The following NAALAD2 variants were observed in gnomAD, a reference collection of about 807,000 sequenced individuals.
NAALAD2 encodes N-acetylated-alpha-linked acidic dipeptidase 2.
Under a neutral mutation model 95.6 loss-of-function variants are expected in NAALAD2, and 89 were observed. That is an observed-to-expected ratio of 0.93 (90% CI 0.78 to 1.11). The LOEUF (loss-of-function observed/expected upper bound fraction) is 1.11. NAALAD2 is among the 50% of genes least tolerant of loss of function. The probability of loss-of-function intolerance (pLI) is 0.00; values close to 1 mark genes in which losing one functional copy is unlikely to be tolerated. For missense variants in NAALAD2, 894 were observed against 872.4 expected (o/e 1.02, Z -0.31); for synonymous variants, 264 against 294.4 (o/e 0.90, Z 1.06).
intron 2 of NAALAD2, among the ~76,000 whole-genome samples, chr11:90,141,462 T>A (rs1336340175): frequency 6.6e-6 from 1 of 152,236 alleles, no homozygotes; most frequent in Non-Finnish European, 1.5e-5. Context: ...ATCTTTCATT[T>A]TCTTTGGAGC....
chr11:90,183,594 G>C (rs1857031858), intron 18 of NAALAD2, among the ~76,000 whole-genome samples: 1 of 152,136 alleles, frequency 6.6e-6, no homozygotes, highest in Non-Finnish European at 1.5e-5. Context: ...TCGGCGTTAT[G>C]ATGGTGCAAA....
chr11:90,186,971 A>G (rs1309777582), intron 18 of NAALAD2, among the ~76,000 whole-genome samples: 1 of 148,772 alleles, frequency 6.7e-6, no homozygotes, highest in African/African-American at 2.5e-5. Context: ...AACTCAAACA[A>G]ATTTACAAGA....
intron 6 of NAALAD2, among the ~76,000 whole-genome samples, chr11:90,156,690 A>G (rs1952127357): frequency 1.3e-5 from 2 of 152,046 alleles, no homozygotes; most frequent in Non-Finnish European, 2.9e-5. Context: ...GGCTCAAGTG[A>G]TTCTCCTGCC....
At chr11:90,176,415 G>A (rs1952795625) in intron 15 of NAALAD2, among the ~76,000 whole-genome samples, 1 of 152,146 alleles carries the variant, frequency 6.6e-6, no homozygotes, top group South Asian at 2.1e-4. Flanking sequence ...GAGGATAAAT[G>A]CAGTTGGAGA....
intron 6 of NAALAD2, among the ~76,000 whole-genome samples, 157 bp from the exon 7 acceptor site, chr11:90,157,988 G>A (rs555303356): frequency 6.6e-6 from 1 of 152,290 alleles, no homozygotes; most frequent in African/African-American, 2.4e-5. Context: ...GAAAGTGCTG[G>A]GATGACAGGT....
At chr11:90,160,097 A>T (rs2134907913) in intron 8 of NAALAD2, among the ~76,000 whole-genome samples, 1 of 152,274 alleles carries the variant, frequency 6.6e-6, no homozygotes, top group South Asian at 2.1e-4. Context: ...ATAAGACTAT[A>T]AGCCTCAATA....
intron 2 of NAALAD2, among the ~76,000 whole-genome samples, chr11:90,141,167 T>C (rs1347545345): frequency 6.6e-6 from 1 of 152,192 alleles, no homozygotes; most frequent in African/African-American, 2.4e-5. Context: ...CATAGAATGA[T>C]TTCTCTTACC....
At chr11:90,171,555 A>G (rs1252426150) in intron 13 of NAALAD2, among the ~76,000 whole-genome samples, 1 of 152,190 alleles carries the variant, frequency 6.6e-6, no homozygotes, top group African/African-American at 2.4e-5. Flanking sequence ...GATGTCAGGA[A>G]TGATAAGAAT....
intron 3 of NAALAD2, among the ~76,000 whole-genome samples, chr11:90,148,016 G>A (rs1293877286): frequency 2.0e-5 from 3 of 152,140 alleles, no homozygotes; most frequent in African/African-American, 4.8e-5. Context: ...AGTAGGCCAC[G>A]ATATGAGATA....
At position 90,152,685 on chromosome 11, in the gene NAALAD2, G is replaced by A. The variant is rs369582299; in HGVS notation, c.796+201G>A. 2.0e-5 allele frequency among the ~76,000 whole-genome samples: 3 copies of A among 152,076 alleles called. No individual in the cohort carries two copies. The South Asian group carries it at 6.2e-4, about 32-fold the overall frequency. ...TAAATTTTCATGAGATGTCGGCATGGGGAGTAAACACTCAGTTCATACTCT... is the reference window on the plus strand; with the variant it reads ...TAAATTTTCATGAGATGTCGGCATGAGGAGTAAACACTCAGTTCATACTCT... On this transcript the variant is annotated intron_variant, in intron 6 of 18. Coordinates refer to ENST00000534061, the MANE Select transcript of NAALAD2 (RefSeq NM_005467.4).
chr11:90,191,516 G>C (rs1287115839), intron 18 of NAALAD2, 42 bp from the exon 19 acceptor site: 1 of 1,410,596 alleles, frequency 7.1e-7, no homozygotes, highest in Admixed American at 2.4e-5. Context: ...CAAAATGCAT[G>C]TATACACTTT....
chr11:90,148,197 C>G (rs1951796850), intron 3 of NAALAD2, among the ~76,000 whole-genome samples: 1 of 152,048 alleles, frequency 6.6e-6, no homozygotes, highest in Non-Finnish European at 1.5e-5. Flanking sequence ...CACACCTAGG[C>G]TAAGCAACGG....
At chr11:90,132,536 A>G (rs1422868351), upstream of NAALAD2, among the ~76,000 whole-genome samples, 1 of 152,146 alleles carries the variant, frequency 6.6e-6, no homozygotes, top group African/African-American at 2.4e-5. Context: ...CACAATCAAT[A>G]CCCAAAATGT....
At chr11:90,177,767 C>G in intron 15 of NAALAD2, 86 bp from the exon 16 acceptor site, 1 of 1,329,274 alleles carries the variant, frequency 7.5e-7, no homozygotes, top group Non-Finnish European at 1.0e-6. Flanking sequence ...GTTATTTTTT[C>G]TATAGTTATT....
At position 90,177,984 on chromosome 11, in the gene NAALAD2, T is replaced by A; in HGVS notation, c.1725T>A (p.Tyr575Ter). The A allele has an allele frequency of 6.2e-7, 1 of 1,613,528 alleles. No homozygotes were observed. Among genetic ancestry groups the A allele is most frequent in the South Asian group, 1.1e-5 (1 of 91,070 alleles). ...CTCAATTACGAGGAGCACTGGTATA[T>A]GAGCTTGTGGATTCTAAAATCATTC... ...SVAQLRGALV[Y>*]ELVDSKIIPF... The change falls in exon 16 of 19, where the codon TAT (tyrosine) becomes TAA (stop). Residue 575 changes from tyrosine to a stop codon, truncating the protein, a stop_gained. Transcript: ENST00000534061. LOFTEE classifies it high-confidence loss of function.
chr11:90,139,233 G>T (rs764692444), intron 2 of NAALAD2, among the ~76,000 whole-genome samples: 1 of 152,118 alleles, frequency 6.6e-6, no homozygotes, highest in Non-Finnish European at 1.5e-5. Flanking sequence ...AGGCCTTCTT[G>T]TTGTACAAAC....
chr11:90,158,020 G>A, intron 6 of NAALAD2, 125 bp from the exon 7 acceptor site: 1 of 736,094 alleles, frequency 1.4e-6, no homozygotes, highest in African/African-American at 1.8e-5. Flanking sequence ...CGCCTGGCCA[G>A]GAACTTTTAA....
intron 16 of NAALAD2, among the ~76,000 whole-genome samples, 185 bp from the exon 17 acceptor site, chr11:90,181,435 T>C (rs965962056): frequency 2.0e-5 from 3 of 152,112 alleles, no homozygotes; most frequent in African/African-American, 7.2e-5. Context: ...ATGTTACCAT[T>C]TTTTGTTTTC....
chr11:90,138,010 A>AC (rs993568536), intron 2 of NAALAD2, among the ~76,000 whole-genome samples: 2 of 151,600 alleles, frequency 1.3e-5, no homozygotes, highest in Admixed American at 1.3e-4. Context: ...TAGGGTGCTG[A>AC]CCCCCCATGC....
Sources: allele counts gnomAD v4.1 joint callset (sites outside exome capture counted in the v4.1 genomes callset), GRCh38; gene constraint gnomAD v4.1.1; transcripts MANE v1.5; gene names NCBI Gene and HGNC (gene_info 2026-07-23, HGNC 2026-07-21).